KAT6B: variants seen among roughly 807,000 people sequenced by gnomAD.
The protein encoded by KAT6B is histone acetyltransferase KAT6B.
In KAT6B, 10 loss-of-function variants were observed where a neutral mutation model predicts 187.5. The observed-to-expected ratio is 0.05, with a 90% CI of 0.03 to 0.09. The LOEUF is 0.09. KAT6B is among the 10% of genes least tolerant of loss of function. The pLI is 1.00. For missense variants in KAT6B, 1,952 were observed against 2,558.9 expected (o/e 0.76, Z 5.12); for synonymous variants, 861 against 926.8 (o/e 0.93, Z 1.29).
chr10:74,987,790 G>A (rs181892790), intron 12 of KAT6B, among the ~76,000 whole-genome samples: 37 of 152,360 alleles, frequency 2.4e-4, no homozygotes, highest in African/African-American at 7.7e-4. Flanking sequence ...TCTGGACAAA[G>A]CAAGGAATGG....
At chr10:74,978,837 A>G (rs539469594) in intron 9 of KAT6B, among the ~76,000 whole-genome samples, 1 of 152,384 alleles carries the variant, frequency 6.6e-6, no homozygotes, top group Admixed American at 6.5e-5. Flanking sequence ...CCTGTGTAAT[A>G]GCCACATCAT....
chr10:74,826,273 T>C (rs1589418986), upstream of KAT6B, among the ~76,000 whole-genome samples: 1 of 151,506 alleles, frequency 6.6e-6, no homozygotes, highest in Admixed American at 6.6e-5. Flanking sequence ...GAAGTAGAGG[T>C]GGCGCGGTAT....
chr10:75,008,257 T>A (rs1008927083), intron 13 of KAT6B, among the ~76,000 whole-genome samples: 4 of 152,138 alleles, frequency 2.6e-5, no homozygotes, highest in Non-Finnish European at 5.9e-5. Context: ...TTTCTTTTTT[T>A]GTGGGAAGAA....
intron 3 of KAT6B, among the ~76,000 whole-genome samples, chr10:74,876,224 A>G (rs1455715131): frequency 6.6e-6 from 1 of 151,040 alleles, no homozygotes. Flanking sequence ...CCCACTCCCC[A>G]CCCCTGCCGG....
chr10:74,973,043 A>G (rs1353375538), intron 7 of KAT6B, among the ~76,000 whole-genome samples: 1 of 152,212 alleles, frequency 6.6e-6, no homozygotes, highest in Non-Finnish European at 1.5e-5. Flanking sequence ...TCCAGATAAC[A>G]TTTTAGAAAA....
At chr10:74,911,352 C>G (rs1229128453) in intron 3 of KAT6B, among the ~76,000 whole-genome samples, 1 of 151,030 alleles carries the variant, frequency 6.6e-6, no homozygotes, top group Non-Finnish European at 1.5e-5. Flanking sequence ...CTCACTGCAA[C>G]CTCCTCCAGG....
chr10:74,875,724 C>T (rs756554428), intron 3 of KAT6B, among the ~76,000 whole-genome samples: 1 of 152,166 alleles, frequency 6.6e-6, no homozygotes, highest in Non-Finnish European at 1.5e-5. Context: ...CCTCAGCCTC[C>T]CAGAGTGCTG....
At position 74,839,420 on chromosome 10, in the gene KAT6B, C is replaced by T. The variant is rs374164713; in HGVS notation, c.-259+668C>T. ...TAATTTTTTGTATTTTTAGTAGAGACGGGGTTTCACCATGTTGGCCAGGCT... is the reference window on the plus strand; with the variant it reads ...TAATTTTTTGTATTTTTAGTAGAGATGGGGTTTCACCATGTTGGCCAGGCT... On this transcript the variant is annotated intron_variant, in intron 2 of 17. Coordinates refer to ENST00000287239, the MANE Select transcript of KAT6B (RefSeq NM_012330.4). Among the ~76,000 whole-genome samples, 13 of 151,732 alleles carry T rather than the reference C, an allele frequency of 8.6e-5. 1 individual carries two copies. The East Asian group carries it at 1.4e-3, about 16-fold the overall frequency.
rs565907047 is a variant in KAT6B, at chr10:74,957,738, A to G, written c.622-2232A>G. Among the ~76,000 whole-genome samples, 6 of 152,330 alleles carry G rather than the reference A, an allele frequency of 3.9e-5. No homozygotes were observed. The South Asian group carries it at 8.3e-4, about 21-fold the overall frequency. On this transcript the variant is annotated intron_variant, in intron 3 of 17. Transcript: ENST00000287239. The stretch of plus-strand genomic sequence containing the variant: ...GACCGGGTTTTAGCTCAAATCTATC[A>G]GGGGAATGTTGTCACTTTAAAGCCA...
At position 75,030,325 on chromosome 10, in the gene KAT6B, A is replaced by G; in HGVS notation, c.5501A>G (p.Tyr1834Cys). The G allele has an allele frequency of 1.9e-6, 3 of 1,614,224 alleles. No individual in the cohort carries two copies. Among genetic ancestry groups the G allele is most frequent in the Non-Finnish European group, 2.5e-6 (3 of 1,180,040 alleles). ...TNTLIDHSLP[Y>C]SHSAAVTSYA... ...ACACTTATTGATCATTCATTGCCTT[A>G]CAGCCATTCCGCTGCTGTGACTTCC... Residue 1834 changes from tyrosine to cysteine, a missense_variant, in exon 18 of 18, where the codon TAC becomes TGC. Physicochemically the swap from Tyr to Cys is radical, Grantham distance 194 (BLOSUM62 -2). Transcript: ENST00000287239. This position sits in a 1 kb window ranked among gnomAD's most constrained non-coding sequence, Gnocchi z 4.8.
intron 3 of KAT6B, among the ~76,000 whole-genome samples, chr10:74,851,576 C>T (rs1375470065): frequency 6.6e-6 from 1 of 152,078 alleles, no homozygotes; most frequent in Non-Finnish European, 1.5e-5. Flanking sequence ...AGTGATCCAC[C>T]TGCCTCGGCC....
chr10:74,845,142 A>T (rs1329758272), intron 3 of KAT6B, among the ~76,000 whole-genome samples: 2 of 151,156 alleles, frequency 1.3e-5, no homozygotes, highest in South Asian at 2.1e-4. Context: ...TCACTTGAGC[A>T]TGGGAGGTAG....
chr10:74,839,651 A>G (rs1270279906), intron 2 of KAT6B, among the ~76,000 whole-genome samples: 2 of 152,260 alleles, frequency 1.3e-5, no homozygotes, highest in Admixed American at 6.5e-5. Context: ...ATTTTGTGCA[A>G]TCAAATTAAA....
chr10:74,893,423 T>C (rs922299631), intron 3 of KAT6B, among the ~76,000 whole-genome samples: 2 of 152,150 alleles, frequency 1.3e-5, no homozygotes, highest in African/African-American at 4.8e-5. Flanking sequence ...TAAGATAATA[T>C]TTTCTTTTTA....
chr10:74,955,810 A>AT (rs1840649346), intron 3 of KAT6B, among the ~76,000 whole-genome samples: 1 of 152,196 alleles, frequency 6.6e-6, no homozygotes, highest in African/African-American at 2.4e-5. Context: ...TATCCCAATA[A>AT]TATCCTTCAT....
chr10:74,825,249 G>C (rs942994923), upstream of KAT6B, among the ~76,000 whole-genome samples: 4 of 152,036 alleles, frequency 2.6e-5, no homozygotes, highest in Non-Finnish European at 4.4e-5. The surrounding 1 kb of genome is among the most constrained non-coding windows in gnomAD (Gnocchi z 5.0). Context: ...TCCCAGCCCT[G>C]GCGGGCACAC....
chr10:74,979,376 G>A, intron 10 of KAT6B, 37 bp downstream of exon 10: 1 of 1,338,254 alleles, frequency 7.5e-7, no homozygotes, highest in Non-Finnish European at 1.1e-6. Flanking sequence ...TAACTTGAAT[G>A]TCACATATGT....
intron 3 of KAT6B, among the ~76,000 whole-genome samples, chr10:74,954,721 T>C (rs1840552630): frequency 6.6e-6 from 1 of 152,230 alleles, no homozygotes; most frequent in Non-Finnish European, 1.5e-5. Flanking sequence ...GATCAAGATA[T>C]GGTTCACACA....
chr10:74,926,535 A>G (rs1396998208), intron 3 of KAT6B, among the ~76,000 whole-genome samples: 1 of 152,230 alleles, frequency 6.6e-6, no homozygotes, highest in Non-Finnish European at 1.5e-5. Context: ...TATTTTATGT[A>G]TGTGTTGAAT....
Sources: gnomAD v4.1 joint callset for allele counts (sites outside exome capture counted in the v4.1 genomes callset) on GRCh38, gnomAD v4.1.1 for gene constraint, Gnocchi (gnomAD v3.1) non-coding constraint, MANE v1.5 for transcripts, NCBI Gene and HGNC (gene_info 2026-07-23, HGNC 2026-07-21) for gene names.